Variants in NXN observed in about 807,000 individuals in gnomAD.
NXN encodes the protein nucleoredoxin 1.
Under a neutral mutation model 48.6 loss-of-function variants are expected in NXN, and 16 were observed. The observed-to-expected ratio is 0.33, with a 90% CI of 0.22 to 0.50. The LOEUF (loss-of-function observed/expected upper bound fraction) is 0.50, where lower values mean the gene tolerates loss of function less well. Among genes scored for constraint, NXN ranks in the 20% least tolerant of loss-of-function variants. The pLI is 0.98. For missense variants in NXN, 492 were observed against 605.5 expected, an observed-to-expected ratio of 0.81 and a Z score of 1.97; for synonymous variants, 281 against 269.6, an observed-to-expected ratio of 1.04 and a Z score of -0.41.
chr17:939,012 G>A (rs1324210620), intron 1 of NXN, among the ~76,000 whole-genome samples: 1 of 150,054 alleles, frequency 6.7e-6, no homozygotes, highest in Admixed American at 6.6e-5. Context: ...AGATCTCACC[G>A]CTGCACTCCA....
At chr17:870,048 T>C (rs889170725) in intron 1 of NXN, among the ~76,000 whole-genome samples, 13 of 152,004 alleles carry the variant, frequency 8.6e-5, no homozygotes, top group African/African-American at 2.9e-4. Context: ...CATTGCGGGG[T>C]GGAGTGTTAC....
intron 1 of NXN, among the ~76,000 whole-genome samples, chr17:888,512 C>A (rs1450984229): frequency 9.9e-5 from 15 of 152,220 alleles, no homozygotes; most frequent in African/African-American, 3.4e-4. Context: ...TGAGCCATCA[C>A]ACCTGGTCTC....
Position 927,196 on chromosome 17 carries a change from C to A in NXN, c.360+52123G>T, listed in dbSNP as rs560524705. 2.1e-3 allele frequency among the ~76,000 whole-genome samples: 324 copies of A among 151,776 alleles called. 1 individual carries two copies. Among genetic ancestry groups the A allele is most frequent in the African/African-American group, 7.6e-3 (313 of 41,408 alleles). On this transcript the variant is annotated intron_variant, in intron 1 of 7. Transcript: ENST00000336868. ...GGCGTGGTGGCAGGCGCCTGTAGACCCAGCTACTTGGGAAGCGGAGGTTGC... is the reference window on the plus strand; with the variant it reads ...GGCGTGGTGGCAGGCGCCTGTAGACACAGCTACTTGGGAAGCGGAGGTTGC...
chr17:885,623 C>T (rs370317527), intron 1 of NXN, among the ~76,000 whole-genome samples: 1 of 23,880 alleles, frequency 4.2e-5, no homozygotes, highest in Non-Finnish European at 8.0e-5. Context: ...CGCACACATG[C>T]CCCTCTCTGA....
chr17:812,925 C>T (rs12449658), intron 5 of NXN, among the ~76,000 whole-genome samples: 3,227 of 100,302 alleles, frequency 0.032, 85 homozygotes, highest in African/African-American at 0.094. Flanking sequence ...TAGGTGTGTG[C>T]GTGTGTGAGT....
intron 1 of NXN, among the ~76,000 whole-genome samples, chr17:925,215 G>A (rs906675144): frequency 1.3e-5 from 2 of 152,158 alleles, no homozygotes; most frequent in African/African-American, 2.4e-5. Flanking sequence ...GAGGCCTCCC[G>A]CCTCCCGGAA....
chr17:959,124 T>C lies in NXN; in HGVS notation c.360+20195A>G, dbSNP rs772426551. The C allele has an allele frequency of 7.2e-4, 300 of 414,180 alleles. 2 individuals carry two copies. The highest frequency in any genetic ancestry group is 1.4e-4 in the Non-Finnish European group (33 of 242,912). The allele number at this position is 414,180 out of a possible 1,614,324, so 25.7% of individuals were successfully genotyped here. A position where few individuals can be genotyped will look rare whatever the true frequency, so the allele number is the denominator to read the frequency against. On this transcript the variant is annotated intron_variant, in intron 1 of 7. Coordinates refer to ENST00000336868, the MANE Select transcript of NXN (RefSeq NM_022463.5). ...GACCTGATGTATGGCCAGGAGCTGC[T>C]GGGGCCCAGCAACAAGAGCCGAGCG...
At chr17:906,645 C>G (rs952013116) in intron 1 of NXN, among the ~76,000 whole-genome samples, 2 of 151,632 alleles carry the variant, frequency 1.3e-5, no homozygotes, top group African/African-American at 4.8e-5. Context: ...CGGCTCCCTG[C>G]AACCTCCACC....
chr17:854,444 T>C lies in NXN; in HGVS notation c.361-28366A>G, dbSNP rs1355344676. Among the ~76,000 whole-genome samples, 46 of 148,970 alleles carry C rather than the reference T, an allele frequency of 3.1e-4. 1 individual carries two copies. The highest frequency in any genetic ancestry group is 2.7e-3 in the Admixed American group (41 of 14,912). On this transcript the variant is annotated intron_variant, in intron 1 of 7. Transcript: ENST00000336868. ...CGGGCGGATCACAAGGTCAGGAGACTGAGACCATCCTGGCTAACACGGTGA... is the reference window on the plus strand; with the variant it reads ...CGGGCGGATCACAAGGTCAGGAGACCGAGACCATCCTGGCTAACACGGTGA...
chr17:845,407 G>C (rs2067849353), intron 1 of NXN, among the ~76,000 whole-genome samples: 1 of 151,834 alleles, frequency 6.6e-6, no homozygotes, highest in Non-Finnish European at 1.5e-5. Context: ...ATCCGAGAGA[G>C]AATTCCACCC....
chr17:830,029 T>A lies in NXN; in HGVS notation c.361-3951A>T, dbSNP rs1199779967. On this transcript the variant is annotated intron_variant, in intron 1 of 7. Transcript: ENST00000336868. The surrounding 1 kb of genome is among the most constrained non-coding windows in gnomAD (Gnocchi z 4.2). ...GTCAAATGGTGTTTTTGGTTCTAGA[T>A]CCCTGAGGAATCACCACACTGTCCT... Among the ~76,000 whole-genome samples, 2 of 152,140 alleles carry A rather than the reference T, an allele frequency of 1.3e-5. No individual in the cohort carries two copies. Among genetic ancestry groups the A allele is most frequent in the Non-Finnish European group, 1.5e-5 (1 of 68,036 alleles).
intron 1 of NXN, among the ~76,000 whole-genome samples, chr17:938,606 C>T (rs2068935128): frequency 6.6e-6 from 1 of 152,076 alleles, no homozygotes; most frequent in South Asian, 2.1e-4. Flanking sequence ...TCACTTGAAC[C>T]TGGGGAGGCG....
Position 926,652 on chromosome 17 carries a change from C to G in NXN, c.360+52667G>C, listed in dbSNP as rs187981176. Among the ~76,000 whole-genome samples, 97 of 151,820 alleles carry G rather than the reference C, an allele frequency of 6.4e-4. 1 individual carries two copies. In the East Asian group the frequency reaches 0.017, roughly 26 times the overall value. On this transcript the variant is annotated intron_variant, in intron 1 of 7. Transcript: ENST00000336868. ...CCTCTGCTTCCCGGGCTAAAACCAT[C>G]CTCCCACTTCAGCGTTCCGAGTAGC... is the stretch of plus-strand genomic sequence containing the variant.
chr17:951,172 AC>A (rs2069105085), intron 1 of NXN, among the ~76,000 whole-genome samples: 3 of 49,926 alleles, frequency 6.0e-5, no homozygotes, highest in Non-Finnish European at 1.1e-4. Context: ...CCCTGTCTCT[AC>A]TTAAAAAAAA....
chr17:801,120 A>G lies in NXN; in HGVS notation c.1137T>C (p.Thr379=). 6.5e-7 allele frequency: 1 copy of G among 1,539,336 alleles called. No homozygotes were observed. Among genetic ancestry groups the G allele is most frequent in the African/African-American group, 1.4e-5 (1 of 71,406 alleles). ...GGTTGGTGTAATCTCGCAGGGAGTC[A>G]GTCATGTCATCCTGAAGCCGTCAGG... ...LFFVAGEDDM[T]DSLRDYTNLP... The change falls in exon 8 of 8, where the codon ACT becomes ACC. Residue 379 remains threonine, a synonymous_variant. Transcript: ENST00000336868.
intron 1 of NXN, among the ~76,000 whole-genome samples, chr17:858,774 C>T (rs192057224): frequency 1.9e-3 from 294 of 152,208 alleles, no homozygotes; most frequent in African/African-American, 6.8e-3. Context: ...AACAGCCCTA[C>T]GGCTTACACA....
chr17:878,674 G>A (rs1347548864), intron 1 of NXN, among the ~76,000 whole-genome samples: 1 of 151,996 alleles, frequency 6.6e-6, no homozygotes, highest in African/African-American at 2.4e-5. Context: ...ACTGGAAGTT[G>A]GTGGACTCAT....
In NXN at chr17:825,249, C is replaced by T. The variant is rs555540629; in HGVS notation, c.478+712G>A. On this transcript the variant is annotated intron_variant, in intron 2 of 7. Transcript: ENST00000336868. The surrounding 1 kb of genome is among the most constrained non-coding windows in gnomAD (Gnocchi z 4.1). ...AAAAAAAAAAAAAAAAGAAAAGCTTCACGCTTGGTTCCACCATGCCGTGGT... is the reference window on the plus strand; with the variant it reads ...AAAAAAAAAAAAAAAAGAAAAGCTTTACGCTTGGTTCCACCATGCCGTGGT... Among the ~76,000 whole-genome samples the T allele has an allele frequency of 1.3e-5, 2 of 151,382 alleles. No individual in the cohort carries two copies. Among genetic ancestry groups the T allele is most frequent in the Non-Finnish European group, 2.9e-5 (2 of 67,898 alleles).
At position 827,492 on chromosome 17, in the gene NXN, G is replaced by A. The variant is rs575846917; in HGVS notation, c.361-1414C>T. On this transcript the variant is annotated intron_variant, in intron 1 of 7. Coordinates refer to ENST00000336868, the MANE Select transcript of NXN (RefSeq NM_022463.5). ...CAAAAAATTAGCCGGGCGTGGTGGCGGGCGCCTGTAGTCCCAGCTACTCGG... is the reference window on the plus strand; with the variant it reads ...CAAAAAATTAGCCGGGCGTGGTGGCAGGCGCCTGTAGTCCCAGCTACTCGG... Among the ~76,000 whole-genome samples, 83 of 152,230 alleles carry A rather than the reference G, an allele frequency of 5.5e-4. 2 individuals are homozygous for A. The highest frequency in any genetic ancestry group is 9.4e-4 in the Non-Finnish European group (64 of 68,020).
Sources: gnomAD v4.1 joint callset for allele counts (sites outside exome capture counted in the v4.1 genomes callset) on GRCh38, gnomAD v4.1.1 for gene constraint, Gnocchi (gnomAD v3.1) non-coding constraint, MANE v1.5 for transcripts, NCBI Gene and HGNC (gene_info 2026-07-23, HGNC 2026-07-21) for gene names.